CMYA5: variants seen among roughly 807,000 people sequenced by gnomAD.
CMYA5 encodes cardiomyopathy associated 5, also known as cardiomyopathy-associated protein 5.
In CMYA5, 246 loss-of-function variants were observed where a neutral mutation model predicts 318.9. The observed-to-expected ratio is 0.77, with a 90% CI of 0.70 to 0.86. CMYA5 has a LOEUF of 0.86. CMYA5 is among the 40% of genes least tolerant of loss of function. The pLI, the probability that CMYA5 is intolerant of heterozygous loss-of-function variation, is 0.00. For synonymous variants in CMYA5, 1,641 were observed against 1,729.5 expected, an observed-to-expected ratio of 0.95 and a Z score of 1.27; for missense variants, 4,589 against 4,678.2, an observed-to-expected ratio of 0.98 and a Z score of 0.56.
At chr5:79,742,588 T>TCTGCAGTTACA (rs759754150) in intron 2 of CMYA5, among the ~76,000 whole-genome samples, 1 of 152,190 alleles carries the variant, frequency 6.6e-6, no homozygotes, top group South Asian at 2.1e-4. Context: ...CAGGAGCCAA[T>TCTGCAGTTACA]GGCTGCAGTT....
rs16877133 is a variant in CMYA5 at position 79,732,690 on chromosome 5, A to G, written c.3925A>G (p.Ile1309Val). The G allele has an allele frequency of 0.087, 140,419 of 1,612,602 alleles. 10,825 individuals are homozygous for G. Among genetic ancestry groups the G allele is most frequent in the East Asian group, 0.46 (20,514 of 44,796 alleles). Residue 1309 changes from isoleucine to valine, a missense_variant, in exon 2 of 13, where the codon ATA becomes GTA. Physicochemically the swap from Ile to Val is conservative, Grantham distance 29. This residue lies in a region of CMYA5 where 2,132 missense variants were observed against 2,131.3 expected (regional missense o/e 1.00). Coordinates refer to ENST00000446378, the MANE Select transcript of CMYA5 (RefSeq NM_153610.5). ...AATGGAGATGAAACATGATTCCAAAATAACAACTACACCTATAGTGCTTCA... is the reference window on the plus strand; with the variant it reads ...AATGGAGATGAAACATGATTCCAAAGTAACAACTACACCTATAGTGCTTCA... ...VKMEMKHDSKITTTPIVLHSA... is the reference protein window; with the variant it reads ...VKMEMKHDSKVTTTPIVLHSA...
intron 9 of CMYA5, among the ~76,000 whole-genome samples, chr5:79,768,765 A>G (rs541533664): frequency 7.3e-5 from 11 of 149,834 alleles, no homozygotes; most frequent in Non-Finnish European, 1.3e-4. Context: ...TCAGATGATT[A>G]TGTGTCTTGG....
chr5:79,739,129 A>C lies in CMYA5; in HGVS notation c.10364A>C (p.Lys3455Thr). 1.2e-6 allele frequency: 2 copies of C among 1,613,924 alleles called. No individual in the cohort carries two copies. Among genetic ancestry groups the C allele is most frequent in the Non-Finnish European group, 1.7e-6 (2 of 1,179,858 alleles). Residue 3455 changes from lysine (K) to threonine (T), a missense_variant, in exon 2 of 13, where the codon AAG becomes ACG. Lys to Thr is a moderately conservative substitution (Grantham distance 78). Coordinates refer to ENST00000446378, the MANE Select transcript of CMYA5 (RefSeq NM_153610.5). ...STPEDVLSQGKESFEHISENE... is the reference protein window; with the variant it reads ...STPEDVLSQGTESFEHISENE... ...CCTGAAGATGTCTTATCTCAAGGAA[A>C]GGAATCCTTTGAGCACATCAGTGAA...
At position 79,732,484 on chromosome 5, in the gene CMYA5, A is replaced by G. The variant is rs756942020; in HGVS notation, c.3719A>G (p.Tyr1240Cys). The G allele has an allele frequency of 1.2e-6, 2 of 1,613,232 alleles. No individual in the cohort carries two copies. The highest frequency in any genetic ancestry group is 3.3e-5 in the Admixed American group (2 of 59,890). The change falls in exon 2 of 13, where the codon TAT becomes TGT. Residue 1240 changes from tyrosine to cysteine, a missense_variant. This residue lies in a region of CMYA5 where 2,132 missense variants were observed against 2,131.3 expected (regional missense o/e 1.00). Coordinates refer to ENST00000446378, the MANE Select transcript of CMYA5 (RefSeq NM_153610.5). Reference sequence around the variant, plus strand: ...AATGTTCCAGAGTCTGAGATGAAATATTCAGTTTTGCCTGACATGGTAGAT... The same window carrying G: ...AATGTTCCAGAGTCTGAGATGAAATGTTCAGTTTTGCCTGACATGGTAGAT... The part of the protein sequence containing the change: ...PPNVPESEMK[Y>C]SVLPDMVDEP...
chr5:79,710,098 C>T (rs980585132), intron 1 of CMYA5, among the ~76,000 whole-genome samples: 63 of 150,654 alleles, frequency 4.2e-4, no homozygotes, highest in African/African-American at 1.4e-3. Context: ...ACTAACAGTA[C>T]ATATTCACAT....
At chr5:79,724,946 T>TC (rs965609531) in intron 1 of CMYA5, among the ~76,000 whole-genome samples, 5 of 152,226 alleles carry the variant, frequency 3.3e-5, no homozygotes, top group African/African-American at 1.2e-4. Flanking sequence ...TCTCCTATCT[T>TC]CATTCACTTA....
At position 79,732,826 on chromosome 5, in the gene CMYA5, CT is replaced by C; in HGVS notation, c.4062del (p.Thr1355GlnfsTer4). 1 of 1,613,758 alleles carries C rather than the reference CT, an allele frequency of 6.2e-7. No homozygotes were observed. Among genetic ancestry groups the C allele is most frequent in the Non-Finnish European group, 8.5e-7 (1 of 1,179,812 alleles). ...KKEIEPSSST[T>X]TASVTKLDSN... The stretch of plus-strand genomic sequence containing the variant: ...GAAATTGAACCCAGTTCCTCAACAA[CT>C]ACAGCATCTGTAACTAAGCTTGATT... On this transcript the variant is annotated frameshift_variant, in exon 2 of 13. Transcript: ENST00000446378. LOFTEE classifies it high-confidence loss of function.
At chr5:79,743,804 G>T in intron 2 of CMYA5, 23 bp from the exon 3 acceptor site, 1 of 1,270,880 alleles carries the variant, frequency 7.9e-7, no homozygotes, top group Non-Finnish European at 1.1e-6. Context: ...ATATACTAAG[G>T]ATATCTTAAT....
chr5:79,785,310 G>A (rs989514938), intron 9 of CMYA5, among the ~76,000 whole-genome samples: 6 of 151,828 alleles, frequency 4.0e-5, no homozygotes, highest in South Asian at 2.1e-4. Context: ...ATCAGGATGC[G>A]TAGCCTCCTC....
At chr5:79,743,400 C>G (rs992353284) in intron 2 of CMYA5, among the ~76,000 whole-genome samples, 2 of 152,142 alleles carry the variant, frequency 1.3e-5, no homozygotes, top group African/African-American at 4.8e-5. Flanking sequence ...ATCACCTTCT[C>G]AGGCCATTAG....
rs1323265908 is a variant in CMYA5 at position 79,733,268 on chromosome 5, A to G, written c.4503A>G (p.Thr1501=). 18 of 1,613,732 alleles carry G rather than the reference A, an allele frequency of 1.1e-5. No individual in the cohort carries two copies. The highest frequency in any genetic ancestry group is 1.5e-5 in the Non-Finnish European group (18 of 1,179,836). Residue 1501 remains threonine (T), a synonymous_variant, in exon 2 of 13, where the codon ACA becomes ACG. Coordinates refer to ENST00000446378, the MANE Select transcript of CMYA5 (RefSeq NM_153610.5). The stretch of plus-strand genomic sequence containing the variant: ...ACAAACAAGATCTTTTATTTTCTAC[A>G]GTCTGTGACTCTGAACGTTTGGTTT... ...VEDKQDLLFS[T]VCDSERLVSS... is the part of the protein sequence containing the mutation.
At chr5:79,771,773 T>C (rs1190600069) in intron 9 of CMYA5, among the ~76,000 whole-genome samples, 2 of 152,192 alleles carry the variant, frequency 1.3e-5, no homozygotes, top group African/African-American at 2.4e-5. Context: ...TATGAAATGA[T>C]GGAGTGAGGG....
At chr5:79,756,068 G>A (rs1196364338) in intron 6 of CMYA5, among the ~76,000 whole-genome samples, 1 of 152,190 alleles carries the variant, frequency 6.6e-6, no homozygotes, top group African/African-American at 2.4e-5. Flanking sequence ...GACAATCCTT[G>A]AAACATTCTG....
At position 79,737,078 on chromosome 5, in the gene CMYA5, AG is replaced by A. The variant is rs866864373; in HGVS notation, c.8315del (p.Gly2772ValfsTer4). 2 of 1,613,808 alleles carry A rather than the reference AG, an allele frequency of 1.2e-6. No homozygotes were observed. Among genetic ancestry groups the A allele is most frequent in the Non-Finnish European group, 1.7e-6 (2 of 1,179,822 alleles). Reference protein sequence around the residue: ...EQFKESELWKGGSVDITKESM... With the variant: ...EQFKESELWKXGSVDITKESM... Reference sequence around the variant, plus strand: ...AGTTCAAAGAGTCAGAGCTATGGAAAGGTGGTTCAGTAGATATCACAAAAGA... The same window carrying A: ...AGTTCAAAGAGTCAGAGCTATGGAAAGTGGTTCAGTAGATATCACAAAAGA... On this transcript the variant is annotated frameshift_variant, in exon 2 of 13. Transcript: ENST00000446378. LOFTEE classifies it high-confidence loss of function.
chr5:79,756,903 G>A (rs984306583), intron 6 of CMYA5, among the ~76,000 whole-genome samples: 4 of 152,042 alleles, frequency 2.6e-5, no homozygotes, highest in Non-Finnish European at 2.9e-5. Flanking sequence ...GTAAAAACAT[G>A]CTATTGGGTC....
chr5:79,721,431 A>G (rs1827625818), intron 1 of CMYA5, among the ~76,000 whole-genome samples: 1 of 152,224 alleles, frequency 6.6e-6, no homozygotes, highest in African/African-American at 2.4e-5. Context: ...AACTCCAAAC[A>G]TATTGGCAAT....
chr5:79,711,096 G>A (rs1827380915), intron 1 of CMYA5, among the ~76,000 whole-genome samples: 1 of 152,176 alleles, frequency 6.6e-6, no homozygotes, highest in African/African-American at 2.4e-5. Context: ...ATTTCCTAAT[G>A]TATCAGTAAG....
intron 1 of CMYA5, among the ~76,000 whole-genome samples, chr5:79,717,478 TCA>T (rs1267157552): frequency 3.9e-5 from 6 of 152,186 alleles, no homozygotes; most frequent in Non-Finnish European, 8.8e-5. Context: ...GCTTGCAGCA[TCA>T]TTGATGGATA....
chr5:79,734,763 G>A lies in CMYA5; in HGVS notation c.5998G>A (p.Val2000Ile), dbSNP rs375453887. 4 of 1,613,698 alleles carry A rather than the reference G, an allele frequency of 2.5e-6. No homozygotes were observed. In the African/African-American group the frequency reaches 4.0e-5, roughly 16 times the overall value. Residue 2000 changes from valine to isoleucine, a missense_variant, in exon 2 of 13, where the codon GTA becomes ATA. Val to Ile is a conservative substitution (Grantham distance 29, BLOSUM62 3). Transcript: ENST00000446378. ...AAAGTCTTTAGTCCTAGCTGGAAAT[G>A]TAGAGAGAAACATAGCAGAGGGGAA... ...EPKSLVLAGNVERNIAEGKEI... is the reference protein window; with the variant it reads ...EPKSLVLAGNIERNIAEGKEI...
Sources: gnomAD v4.1 joint callset for allele counts (sites outside exome capture counted in the v4.1 genomes callset) on GRCh38, gnomAD v4.1.1 for gene constraint, gnomAD v4.1.1 regional missense constraint, MANE v1.5 for transcripts, NCBI Gene and HGNC (gene_info 2026-07-23, HGNC 2026-07-21) for gene names.